Variants in CNTNAP4 observed in about 807,000 individuals in gnomAD.
CNTNAP4 encodes contactin-associated protein-like 4.
Under a neutral mutation model 148.4 loss-of-function variants are expected in CNTNAP4, and 98 were observed. That is an observed-to-expected ratio of 0.66 (90% CI 0.56 to 0.78). The LOEUF (loss-of-function observed/expected upper bound fraction) is 0.78. Among genes scored for constraint, CNTNAP4 ranks in the 30% least tolerant of loss-of-function variants. The probability of loss-of-function intolerance (pLI) is 0.00; values close to 1 mark genes in which losing one functional copy is unlikely to be tolerated. For synonymous variants in CNTNAP4, 730 were observed against 565.1 expected, an observed-to-expected ratio of 1.29 and a Z score of -4.14; for missense variants, 1,935 against 1,565.6, an observed-to-expected ratio of 1.24 and a Z score of -3.98.
chr16:76,461,462 G>A (rs1042966842), intron 8 of CNTNAP4, among the ~76,000 whole-genome samples: 30 of 151,840 alleles, frequency 2.0e-4, no homozygotes, highest in Admixed American at 1.3e-4. Context: ...GGCTTTTCAC[G>A]GTGCTTTATA....
intron 3 of CNTNAP4, among the ~76,000 whole-genome samples, chr16:76,393,438 TATTC>T (rs1162138621): frequency 3.5e-4 from 53 of 152,334 alleles, no homozygotes; most frequent in East Asian, 2.3e-3. Context: ...GGAATTTATA[TATTC>T]ATTCAGTCAG....
intron 2 of CNTNAP4, among the ~76,000 whole-genome samples, chr16:76,327,077 C>T (rs1963065764): frequency 6.6e-6 from 1 of 152,034 alleles, no homozygotes; most frequent in African/African-American, 2.4e-5. Flanking sequence ...ATCTTAAAAT[C>T]AGAGGTACAT....
intron 15 of CNTNAP4, among the ~76,000 whole-genome samples, chr16:76,506,445 T>C (rs1386534076): frequency 1.3e-5 from 1 of 77,078 alleles, no homozygotes; most frequent in African/African-American, 3.0e-5. Context: ...TCCCTTCCCT[T>C]CTTCCCTCCC....
intron 15 of CNTNAP4, among the ~76,000 whole-genome samples, chr16:76,518,840 C>A (rs928382838): frequency 1.3e-5 from 2 of 152,156 alleles, no homozygotes; most frequent in Non-Finnish European, 2.9e-5. Flanking sequence ...ATCTCTCTTC[C>A]TCTTTTCCCC....
At chr16:76,311,739 A>T (rs8046546) in intron 1 of CNTNAP4, among the ~76,000 whole-genome samples, 41,709 of 151,888 alleles carry the variant, frequency 0.27, 6,404 homozygotes, top group Non-Finnish European at 0.35. Flanking sequence ...CTGCATTTTT[A>T]ATTGTACAGA....
chr16:76,490,041 A>G (rs16944472), intron 13 of CNTNAP4, among the ~76,000 whole-genome samples, 158 bp downstream of exon 13: 14,043 of 152,186 alleles, frequency 0.092, 688 homozygotes, highest in African/African-American at 0.13. Context: ...GGAAGTCACA[A>G]AGATGCTTCT....
chr16:76,309,398 T>C (rs1302864420), intron 1 of CNTNAP4, among the ~76,000 whole-genome samples: 2 of 151,982 alleles, frequency 1.3e-5, no homozygotes, highest in Non-Finnish European at 2.9e-5. Flanking sequence ...AGAGGAAACT[T>C]TACACTGGAG....
intron 13 of CNTNAP4, among the ~76,000 whole-genome samples, chr16:76,491,071 T>C (rs78637605): frequency 0.084 from 12,800 of 152,222 alleles, 823 homozygotes; most frequent in Admixed American, 0.16. Flanking sequence ...TCTCTCTATT[T>C]ATTCTCCACC....
intron 4 of CNTNAP4, 101 bp downstream of exon 4, chr16:76,427,700 T>C: frequency 1.9e-6 from 2 of 1,079,458 alleles, no homozygotes; most frequent in Non-Finnish European, 2.6e-6. Flanking sequence ...CATAAAGAGG[T>C]ATAAAAAATA....
intron 15 of CNTNAP4, among the ~76,000 whole-genome samples, chr16:76,503,755 A>G (rs1354102027): frequency 7.0e-6 from 1 of 143,050 alleles, no homozygotes; most frequent in Non-Finnish European, 1.5e-5. Context: ...TTTAATTCCC[A>G]CCTATGAGTG....
At position 76,553,424 on chromosome 16, in the gene CNTNAP4, G is replaced by A; in HGVS notation, c.3584G>A (p.Gly1195Glu). 1.9e-6 allele frequency: 3 copies of A among 1,612,612 alleles called. No individual in the cohort carries two copies. The highest frequency in any genetic ancestry group is 2.5e-6 in the Non-Finnish European group (3 of 1,179,324). Residue 1195 changes from glycine to glutamate, a missense_variant, in exon 22 of 24, where the codon GGA becomes GAA. By Grantham distance (98) the Gly-to-Glu change is moderately conservative. Transcript: ENST00000611870. ...CACCCAGACCCTGTCACTGTTACAG[G>A]ACACGTGACTGAGTCCAGCTGTATG... Reference protein sequence around the residue: ...PSHPDPVTVTGHVTESSCMAQ... With the variant: ...PSHPDPVTVTEHVTESSCMAQ...
chr16:76,452,817 C>G, intron 8 of CNTNAP4, 48 bp downstream of exon 8: 2 of 1,460,632 alleles, frequency 1.4e-6, no homozygotes, highest in Non-Finnish European at 1.8e-6. Flanking sequence ...TGAAAGATTT[C>G]ATTATCTCTG....
intron 15 of CNTNAP4, among the ~76,000 whole-genome samples, chr16:76,514,735 T>G (rs1016806090): frequency 2.7e-5 from 3 of 110,354 alleles, no homozygotes; most frequent in African/African-American, 7.8e-5. Context: ...TAATAAATAG[T>G]TGAAAACAAT....
chr16:76,444,637 T>C (rs1487703091), intron 4 of CNTNAP4, among the ~76,000 whole-genome samples: 1 of 152,166 alleles, frequency 6.6e-6, no homozygotes, highest in East Asian at 1.9e-4. Flanking sequence ...TGTAATTGTT[T>C]AAGATGATTT....
chr16:76,526,244 G>C (rs529991955), intron 17 of CNTNAP4, among the ~76,000 whole-genome samples: 1 of 152,150 alleles, frequency 6.6e-6, no homozygotes, highest in South Asian at 2.1e-4. Flanking sequence ...TCAAAGTGGT[G>C]GGAATAAGCT....
At chr16:76,539,236 T>C (rs557198191) in intron 19 of CNTNAP4, among the ~76,000 whole-genome samples, 28 of 152,180 alleles carry the variant, frequency 1.8e-4, no homozygotes, top group Non-Finnish European at 3.2e-4. Context: ...CATCTTACCA[T>C]TATTTCATTT....
chr16:76,353,047 G>A (rs866299075), intron 2 of CNTNAP4, among the ~76,000 whole-genome samples: 2 of 152,138 alleles, frequency 1.3e-5, no homozygotes, highest in African/African-American at 4.8e-5. Flanking sequence ...GGTGTACAAC[G>A]AAACTGCACC....
intron 3 of CNTNAP4, among the ~76,000 whole-genome samples, chr16:76,357,498 G>T (rs544750237): frequency 2.6e-5 from 4 of 152,264 alleles, no homozygotes; most frequent in Admixed American, 1.3e-4. Context: ...TAAAAACATG[G>T]CGTCTATCAT....
chr16:76,518,500 A>G (rs938182803), intron 15 of CNTNAP4, among the ~76,000 whole-genome samples: 1 of 152,116 alleles, frequency 6.6e-6, no homozygotes, highest in Non-Finnish European at 1.5e-5. Context: ...AGAGAATTTT[A>G]TTTTTACTTT....
Sources: allele counts gnomAD v4.1 joint callset (sites outside exome capture counted in the v4.1 genomes callset), GRCh38; gene constraint gnomAD v4.1.1; transcripts MANE v1.5; gene names NCBI Gene and HGNC (gene_info 2026-07-23, HGNC 2026-07-21).